Variants in RAB38 observed in about 807,000 individuals in gnomAD.
RAB38 encodes the protein RAB38, member RAS oncogene family, also known as ras-related protein Rab-38.
Under a neutral mutation model 18.4 loss-of-function variants are expected in RAB38, and 15 were observed. That is an observed-to-expected ratio of 0.82 (90% CI 0.55 to 1.26). RAB38 has a LOEUF of 1.26. RAB38 is among the 50% of genes most tolerant of loss of function. RAB38 has a pLI of 0.00. For synonymous variants in RAB38, 101 were observed against 104.4 expected (o/e 0.97, Z 0.20); for missense variants, 294 against 267.4 (o/e 1.10, Z -0.69).
At chr11:87,909,269 T>C in the RAB38 span, among the ~76,000 whole-genome samples, 1 of 152,054 alleles carries the variant, frequency 6.6e-6, no homozygotes, top group African/African-American at 2.4e-5. Flanking sequence ...GTACAATATC[T>C]CTAGGATAAT....
the RAB38 span, among the ~76,000 whole-genome samples, chr11:88,074,426 T>C: frequency 2.0e-5 from 3 of 152,190 alleles, no homozygotes. Context: ...GTTTTAAAAT[T>C]ATTTCTTTGT....
chr11:88,020,202 T>G, the RAB38 span, among the ~76,000 whole-genome samples: 3 of 152,256 alleles, frequency 2.0e-5, no homozygotes, highest in African/African-American at 7.2e-5. Flanking sequence ...AATGATCTCT[T>G]GTCTACAAGA....
At chr11:87,808,627 G>A in the RAB38 span, among the ~76,000 whole-genome samples, 9 of 152,198 alleles carry the variant, frequency 5.9e-5, no homozygotes, top group Middle Eastern at 6.8e-3. Context: ...AGAGATCTGA[G>A]GTAGAACACG....
At chr11:87,829,182 A>G in the RAB38 span, among the ~76,000 whole-genome samples, 1 of 152,222 alleles carries the variant, frequency 6.6e-6, no homozygotes, top group South Asian at 2.1e-4. Flanking sequence ...TAGAAAGGCA[A>G]GTAACTACAC....
the RAB38 span, among the ~76,000 whole-genome samples, chr11:88,022,827 A>G: frequency 6.6e-6 from 1 of 152,100 alleles, no homozygotes; most frequent in Non-Finnish European, 1.5e-5. Flanking sequence ...TGTCTTTACT[A>G]TTGTGAACAG....
chr11:87,949,988 G>C, the RAB38 span, among the ~76,000 whole-genome samples: 6 of 152,118 alleles, frequency 3.9e-5, no homozygotes, highest in East Asian at 1.2e-3. Context: ...TTGACAGTGG[G>C]GTGTTAAAGT....
chr11:87,843,531 C>T, the RAB38 span, among the ~76,000 whole-genome samples: 4 of 152,126 alleles, frequency 2.6e-5, no homozygotes, highest in Non-Finnish European at 4.4e-5. Context: ...TTCTAATTGA[C>T]TAATATGTAC....
chr11:87,964,438 A>T, the RAB38 span, among the ~76,000 whole-genome samples: 1 of 152,132 alleles, frequency 6.6e-6, no homozygotes, highest in Non-Finnish European at 1.5e-5. Flanking sequence ...TGAAACTGGT[A>T]GGCCATTAAT....
At chr11:87,887,006 T>C in the RAB38 span, among the ~76,000 whole-genome samples, 4 of 151,902 alleles carry the variant, frequency 2.6e-5, no homozygotes, top group Non-Finnish European at 4.4e-5. Context: ...GAGACTGATA[T>C]ATTCGGCCCC....
chr11:87,935,739 G>C, the RAB38 span, among the ~76,000 whole-genome samples: 1 of 151,862 alleles, frequency 6.6e-6, no homozygotes, highest in South Asian at 2.1e-4. Context: ...TCCTTTTATA[G>C]TCACACCCAC....
At chr11:88,173,811 A>G (rs1475021488) in intron 1 of RAB38, 30 of 985,394 alleles carry the variant, frequency 3.0e-5, no homozygotes, top group Non-Finnish European at 3.6e-5. Flanking sequence ...GATGACTCCA[A>G]ATGCATGAAT....
chr11:87,976,907 T>G, the RAB38 span, among the ~76,000 whole-genome samples: 1 of 3,336 alleles, frequency 3.0e-4, no homozygotes, highest in African/African-American at 7.8e-4. Flanking sequence ...TGTTATATAA[T>G]GTATTATATA....
intron 2 of RAB38, among the ~76,000 whole-genome samples, chr11:88,147,212 G>A (rs959565029): frequency 1.3e-5 from 2 of 152,098 alleles, no homozygotes; most frequent in African/African-American, 4.8e-5. Context: ...TGAAGGCAAG[G>A]TTTTATCTGT....
At chr11:88,107,385 T>TA in the RAB38 span, among the ~76,000 whole-genome samples, 1,808 of 152,272 alleles carry the variant, frequency 0.012, 47 homozygotes, top group African/African-American at 0.042. Context: ...TACCATTTTT[T>TA]ACCTAATAGC....
chr11:87,948,469 G>A, the RAB38 span, among the ~76,000 whole-genome samples: 508 of 151,806 alleles, frequency 3.3e-3, no homozygotes, highest in African/African-American at 0.012. Flanking sequence ...TCCCTGTCTT[G>A]TGCCAGTTTT....
chr11:88,057,028 A>G, the RAB38 span, among the ~76,000 whole-genome samples: 2 of 152,168 alleles, frequency 1.3e-5, no homozygotes, highest in Non-Finnish European at 2.9e-5. Flanking sequence ...GTCCTAAACA[A>G]GACTGACCTG....
the RAB38 span, among the ~76,000 whole-genome samples, chr11:88,042,587 C>T: frequency 6.6e-6 from 1 of 152,170 alleles, no homozygotes; most frequent in Non-Finnish European, 1.5e-5. Context: ...GCAAGGGAGA[C>T]TGGTAATTCC....
chr11:87,937,735 T>A, the RAB38 span, among the ~76,000 whole-genome samples: 1 of 152,108 alleles, frequency 6.6e-6, no homozygotes, highest in East Asian at 1.9e-4. Flanking sequence ...TTTACTTATT[T>A]TAGGTTTAGA....
the RAB38 span, among the ~76,000 whole-genome samples, chr11:87,907,737 T>C: frequency 6.6e-6 from 1 of 151,670 alleles, no homozygotes; most frequent in African/African-American, 2.4e-5. Context: ...TTGCTAGTCA[T>C]TTGTTGAATA....
Sources: gnomAD v4.1 joint callset for allele counts (sites outside exome capture counted in the v4.1 genomes callset) on GRCh38, gnomAD v4.1.1 for gene constraint, MANE v1.5 for transcripts, NCBI Gene and HGNC (gene_info 2026-07-23, HGNC 2026-07-21) for gene names.